Variants in FBXO15 observed in about 807,000 individuals in gnomAD.
FBXO15 encodes F-box protein 15, also known as F-box only protein 15.
A neutral mutation model predicts 49.5 loss-of-function variants in FBXO15; 30 were observed. That is an observed-to-expected ratio of 0.61 (90% CI 0.45 to 0.82). The LOEUF is 0.82. FBXO15 is among the 40% of genes least tolerant of loss of function. The pLI is 0.00. For missense variants in FBXO15, 591 were observed against 631.5 expected, an observed-to-expected ratio of 0.94 and a Z score of 0.69; for synonymous variants, 250 against 232.7, an observed-to-expected ratio of 1.07 and a Z score of -0.68.
At chr18:74,126,709 C>T (rs966353859) in intron 5 of FBXO15, among the ~76,000 whole-genome samples, 1 of 152,222 alleles carries the variant, frequency 6.6e-6, no homozygotes, top group African/African-American at 2.4e-5. Context: ...TCTCATTCAA[C>T]AGTTGGTGCC....
rs200199486 is a variant in FBXO15 at position 74,073,661 on chromosome 18, C to T, written c.1333G>A (p.Val445Met). 1 of 1,614,150 alleles carries T rather than the reference C, an allele frequency of 6.2e-7. No individual in the cohort carries two copies. The highest frequency in any genetic ancestry group is 1.3e-5 in the African/African-American group (1 of 75,034). Residue 445 changes from valine to methionine, a missense_variant, in exon 10 of 10, where the codon GTG (valine) becomes ATG (methionine). Physicochemically the swap from Val to Met is conservative, Grantham distance 21 (BLOSUM62 1). Coordinates refer to ENST00000419743, the MANE Select transcript of FBXO15 (RefSeq NM_001142958.2). ...GGTGTGGCAGGCGATCTCAGGCACA[C>T]CGGGGAACTGAAACACCAAAAGGGT... ...GKPFWCFSSP[V>M]CLRSPATPSD...
chr18:74,141,867 G>A (rs1275947228), intron 1 of FBXO15, among the ~76,000 whole-genome samples: 1 of 152,130 alleles, frequency 6.6e-6, no homozygotes, highest in East Asian at 1.9e-4. Flanking sequence ...TGCTTCCCAG[G>A]CACAAGTCTC....
At chr18:74,082,559 C>T (rs892726179) in intron 8 of FBXO15, among the ~76,000 whole-genome samples, 1 of 152,196 alleles carries the variant, frequency 6.6e-6, no homozygotes, top group African/African-American at 2.4e-5. Flanking sequence ...TGCACATGCC[C>T]ACCTAGCTGG....
At chr18:74,133,014 T>A (rs1978492925) in intron 3 of FBXO15, among the ~76,000 whole-genome samples, 1 of 152,216 alleles carries the variant, frequency 6.6e-6, no homozygotes, top group Admixed American at 6.5e-5. Context: ...GTGCTTGCCC[T>A]CTCTTCAGAA....
At chr18:74,143,814 T>C (rs1979235434) in intron 1 of FBXO15, among the ~76,000 whole-genome samples, 1 of 152,204 alleles carries the variant, frequency 6.6e-6, no homozygotes, top group Non-Finnish European at 1.5e-5. Flanking sequence ...AGACCTTCCT[T>C]GGCTGTTATA....
chr18:74,082,255 G>A (rs1015907412), intron 8 of FBXO15, among the ~76,000 whole-genome samples: 1 of 152,174 alleles, frequency 6.6e-6, no homozygotes, highest in African/African-American at 2.4e-5. Flanking sequence ...ACATTAACAA[G>A]TGCCCAGAAA....
chr18:74,147,143 G>C (rs1194449270), intron 1 of FBXO15: 1 of 152,302 alleles, frequency 6.6e-6, no homozygotes, highest in African/African-American at 2.4e-5. Flanking sequence ...TGGCAACTTA[G>C]CCTTGACGTT....
intron 8 of FBXO15, among the ~76,000 whole-genome samples, chr18:74,117,895 C>T (rs897698579): frequency 6.6e-6 from 1 of 152,130 alleles, no homozygotes; most frequent in Non-Finnish European, 1.5e-5. Context: ...AAGTTCTAGA[C>T]AGTCCACTGA....
At chr18:74,078,205 A>T (rs1458800622) in intron 9 of FBXO15, among the ~76,000 whole-genome samples, 3 of 152,090 alleles carry the variant, frequency 2.0e-5, no homozygotes, top group Non-Finnish European at 4.4e-5. Context: ...CTAGTTCTCA[A>T]AGTCCAGCAT....
intron 8 of FBXO15, among the ~76,000 whole-genome samples, chr18:74,111,985 A>G (rs995770450): frequency 2.0e-5 from 3 of 152,232 alleles, no homozygotes; most frequent in Admixed American, 6.5e-5. Context: ...CAAAATTCAC[A>G]TAAGAAGAAA....
chr18:74,083,283 T>C (rs541167271), intron 8 of FBXO15, among the ~76,000 whole-genome samples: 85 of 152,290 alleles, frequency 5.6e-4, no homozygotes, highest in African/African-American at 2.0e-3. Context: ...AAATGCCAAA[T>C]GACACGGACC....
chr18:74,083,711 T>TA (rs1481039761), intron 8 of FBXO15, among the ~76,000 whole-genome samples: 3 of 152,248 alleles, frequency 2.0e-5, no homozygotes, highest in African/African-American at 7.2e-5. Context: ...ATTATAACAC[T>TA]GTGGTGTCTC....
At chr18:74,131,882 C>T (rs1257225783) in intron 3 of FBXO15, among the ~76,000 whole-genome samples, 1 of 152,190 alleles carries the variant, frequency 6.6e-6, no homozygotes, top group Non-Finnish European at 1.5e-5. Flanking sequence ...CTGGGGATAA[C>T]TGGGTGCTCT....
chr18:74,084,427 G>C (rs1206669960), intron 8 of FBXO15, among the ~76,000 whole-genome samples: 1 of 152,244 alleles, frequency 6.6e-6, no homozygotes, highest in African/African-American at 2.4e-5. Flanking sequence ...GCAGTGGCAG[G>C]GGCCTGCGCC....
rs1798618008 is a variant in FBXO15 at position 74,130,718 on chromosome 18, T to C, written c.333-60A>G. The C allele has an allele frequency of 2.6e-6, 4 of 1,511,564 alleles. No individual in the cohort carries two copies. In the Admixed American group the frequency reaches 6.2e-5, roughly 23 times the overall value. The allele number at this position is 1,511,564 out of a possible 1,614,324, so 93.6% of individuals were successfully genotyped here. ...ACACTGTCACCTACCTTAGTCATAA[T>C]ATATCAAATTAGAGATGCATATTTT... On this transcript the variant is annotated intron_variant, in intron 3 of 9. Coordinates refer to ENST00000419743, the MANE Select transcript of FBXO15 (RefSeq NM_001142958.2).
rs144872166 is a variant in FBXO15, at chr18:74,073,490, T to C, written c.1504A>G (p.Ile502Val). The C allele has an allele frequency of 3.4e-5, 55 of 1,613,966 alleles. No homozygotes were observed. The highest frequency in any genetic ancestry group is 3.3e-4 in the Middle Eastern group (2 of 6,082). Residue 502 changes from isoleucine to valine, a missense_variant, in exon 10 of 10, where the codon ATC becomes GTC. Transcript: ENST00000419743. ...NLVLYLSIAKINHWFGTEY is the reference protein window; with the variant it reads ...NLVLYLSIAKVNHWFGTEY ...TATTCAGTCCCAAACCAATGGTTGA[T>C]TTTTGCGATACTAAGATAAAGGACC...
chr18:74,120,160 T>C (rs1914413272), intron 8 of FBXO15, among the ~76,000 whole-genome samples: 1 of 152,138 alleles, frequency 6.6e-6, no homozygotes, highest in Non-Finnish European at 1.5e-5. Context: ...GATATCATAG[T>C]CTCCAGTGTT....
rs564159075 is a variant in FBXO15, at chr18:74,127,488, T to C, written c.786-1387A>G. On this transcript the variant is annotated intron_variant, in intron 5 of 9. Coordinates refer to ENST00000419743, the MANE Select transcript of FBXO15 (RefSeq NM_001142958.2). ...ATTACATCAATGAGGCTTTCACTGTTGTTGAAAAACTTCTCATAGAGGAAA... is the reference window on the plus strand; with the variant it reads ...ATTACATCAATGAGGCTTTCACTGTCGTTGAAAAACTTCTCATAGAGGAAA... Among the ~76,000 whole-genome samples the C allele has an allele frequency of 6.6e-5, 10 of 152,368 alleles. No individual in the cohort carries two copies. The Middle Eastern group carries it at 0.01, about 155-fold the overall frequency.
chr18:74,123,181 G>GT, intron 8 of FBXO15, 187 bp downstream of exon 8: 1 of 573,800 alleles, frequency 1.7e-6, no homozygotes, highest in East Asian at 3.1e-5. Flanking sequence ...GACAGAGCCA[G>GT]TTCTGAAGAG....
Sources: gnomAD v4.1 joint callset for allele counts (sites outside exome capture counted in the v4.1 genomes callset) on GRCh38, gnomAD v4.1.1 for gene constraint, MANE v1.5 for transcripts, NCBI Gene and HGNC (gene_info 2026-07-23, HGNC 2026-07-21) for gene names.